The following BMPR2 variants were observed in gnomAD, a reference collection of about 807,000 sequenced individuals.
BMPR2 encodes bone morphogenetic protein receptor type-2.
BMPR2 carries 29 observed loss-of-function variants against 100.8 expected under a neutral mutation model. The ratio of observed to expected loss-of-function variants is 0.29; its 90% CI spans 0.21 to 0.39. BMPR2 has a LOEUF of 0.39. Ranked by LOEUF, BMPR2 falls within the 10% of genes least tolerant of loss-of-function variation. The pLI is 1.00. For synonymous variants in BMPR2, 382 were observed against 442.3 expected (o/e 0.86, Z 1.71); for missense variants, 1,011 against 1,274.5 (o/e 0.79, Z 3.15).
At chr2:202,390,702 A>G (rs919793869) in intron 1 of BMPR2, among the ~76,000 whole-genome samples, 1 of 152,138 alleles carries the variant, frequency 6.6e-6, no homozygotes, top group Non-Finnish European at 1.5e-5. Context: ...TTGCCAGAGC[A>G]AAATAAATGA....
At chr2:202,452,570 C>T (rs1293363282) in intron 1 of BMPR2, among the ~76,000 whole-genome samples, 1 of 152,112 alleles carries the variant, frequency 6.6e-6, no homozygotes, top group Non-Finnish European at 1.5e-5. Context: ...ATCACTTGAG[C>T]CCAGGAGTTC....
At chr2:202,500,693 C>T (rs765603966) in intron 3 of BMPR2, among the ~76,000 whole-genome samples, 1 of 152,182 alleles carries the variant, frequency 6.6e-6, no homozygotes, top group Admixed American at 6.6e-5. Flanking sequence ...AGTACAAAAA[C>T]CAAACGGTCA....
At chr2:202,408,892 A>G (rs1277739766) in intron 1 of BMPR2, among the ~76,000 whole-genome samples, 2 of 152,160 alleles carry the variant, frequency 1.3e-5, no homozygotes, top group African/African-American at 4.8e-5. Context: ...TTTGTGGTAT[A>G]TTATTGTATT....
At chr2:202,486,204 C>T (rs576943477) in intron 3 of BMPR2, among the ~76,000 whole-genome samples, 1 of 152,268 alleles carries the variant, frequency 6.6e-6, no homozygotes, top group East Asian at 1.9e-4. Context: ...CTTACTTCTC[C>T]ATGCTAATGG....
chr2:202,402,116 G>C lies in BMPR2; in HGVS notation c.76+24566G>C, dbSNP rs573382178. On this transcript the variant is annotated intron_variant, in intron 1 of 12. Coordinates refer to ENST00000374580, the MANE Select transcript of BMPR2 (RefSeq NM_001204.7). ...CCCAGACTTCCCTGCCATCCAAGAGGAGCAGTTGGGGAAGGGAATGAGGTG... is the reference window on the plus strand; with the variant it reads ...CCCAGACTTCCCTGCCATCCAAGAGCAGCAGTTGGGGAAGGGAATGAGGTG... Among the ~76,000 whole-genome samples, 5 of 152,224 alleles carry C rather than the reference G, an allele frequency of 3.3e-5. No homozygotes were observed. The East Asian group carries it at 9.6e-4, about 29-fold the overall frequency.
intron 1 of BMPR2, among the ~76,000 whole-genome samples, chr2:202,397,524 G>A (rs1296205573): frequency 1.3e-5 from 2 of 150,138 alleles, no homozygotes; most frequent in African/African-American, 4.9e-5. Context: ...TTTGAGTCAG[G>A]GTCTCTCTCT....
chr2:202,559,595 C>T (rs984347242), intron 12 of BMPR2, 101 bp from the exon 13 acceptor site: 2 of 1,264,626 alleles, frequency 1.6e-6, no homozygotes, highest in Non-Finnish European at 2.3e-6. Flanking sequence ...TTCATTAGCA[C>T]CCTCCTGAGA....
At chr2:202,487,848 A>G (rs1420636574) in intron 3 of BMPR2, among the ~76,000 whole-genome samples, 2 of 152,230 alleles carry the variant, frequency 1.3e-5, no homozygotes, top group African/African-American at 4.8e-5. Context: ...TTTTTTTACT[A>G]TAGGGGTGCA....
chr2:202,558,886 C>G (rs978128545), intron 12 of BMPR2, among the ~76,000 whole-genome samples: 3 of 138,506 alleles, frequency 2.2e-5, no homozygotes, highest in African/African-American at 7.9e-5. Context: ...GAATGAAACT[C>G]CATCTCAAAA....
chr2:202,434,894 A>T (rs1691576294), intron 1 of BMPR2, among the ~76,000 whole-genome samples: 2 of 64,382 alleles, frequency 3.1e-5, no homozygotes, highest in Admixed American at 2.4e-4. Flanking sequence ...AAAAAAAAAA[A>T]AAAAAAAAAA....
Position 202,565,016 on chromosome 2 carries a change from T to A in BMPR2, c.*5070T>A, listed in dbSNP as rs995684075. 2 of 152,026 alleles carry A rather than the reference T, an allele frequency of 1.3e-5. No individual in the cohort carries two copies. Among genetic ancestry groups the A allele is most frequent in the Non-Finnish European group, 2.9e-5 (2 of 68,088 alleles). The allele number at this position is 152,026 out of a possible 1,614,324, so 9.4% of individuals were successfully genotyped here. On this transcript the variant is annotated 3_prime_UTR_variant, in exon 13 of 13. Transcript: ENST00000374580. ...GTGAGCCGAGATCGCGCCAATGCAC[T>A]CCAGCCTGGGCTACAGAGTGAGACT...
chr2:202,406,707 A>G (rs923414566), intron 1 of BMPR2, among the ~76,000 whole-genome samples: 2 of 152,190 alleles, frequency 1.3e-5, no homozygotes, highest in Non-Finnish European at 2.9e-5. Context: ...TTTTTGGATC[A>G]TGGTGTCATT....
intron 1 of BMPR2, among the ~76,000 whole-genome samples, chr2:202,462,464 C>G (rs1375700318): frequency 2.0e-5 from 3 of 152,100 alleles, no homozygotes; most frequent in African/African-American, 7.2e-5. Context: ...CGTGATCTGC[C>G]AGCCTCTGCC....
chr2:202,513,601 CA>C, intron 3 of BMPR2, 117 bp from the exon 4 acceptor site: 1 of 672,418 alleles, frequency 1.5e-6, no homozygotes. Flanking sequence ...TCCTTTGATG[CA>C]AAAACATTAC....
At chr2:202,410,879 T>C (rs2105916905) in intron 1 of BMPR2, among the ~76,000 whole-genome samples, 1 of 152,310 alleles carries the variant, frequency 6.6e-6, no homozygotes, top group Non-Finnish European at 1.5e-5. Flanking sequence ...GCGCCCAGTC[T>C]TTTTATTTTT....
chr2:202,566,926 A>G lies in BMPR2; in HGVS notation c.*6980A>G, dbSNP rs1688772754. 6.6e-6 allele frequency: 1 copy of G among 152,242 alleles called. No individual in the cohort carries two copies. Among genetic ancestry groups the G allele is most frequent in the African/African-American group, 2.4e-5 (1 of 41,462 alleles). The allele number at this position is 152,242 out of a possible 1,614,324, so 9.4% of individuals were successfully genotyped here. A position where few individuals can be genotyped will look rare whatever the true frequency, so the allele number is the denominator to read the frequency against. ...GTATGTAAAGGAAACATATTTTTAA[A>G]GAAGCTTAACAGTAAGAAAAAATTA... On this transcript the variant is annotated 3_prime_UTR_variant, in exon 13 of 13. Coordinates refer to ENST00000374580, the MANE Select transcript of BMPR2 (RefSeq NM_001204.7).
At chr2:202,417,759 C>T (rs1691166072) in intron 1 of BMPR2, among the ~76,000 whole-genome samples, 2 of 151,304 alleles carry the variant, frequency 1.3e-5, no homozygotes, top group South Asian at 4.2e-4. Flanking sequence ...CACTCTGTCA[C>T]CCAGGCTGGA....
chr2:202,477,761 TG>T (rs1385832394), intron 3 of BMPR2, among the ~76,000 whole-genome samples: 1 of 152,132 alleles, frequency 6.6e-6, no homozygotes, highest in Non-Finnish European at 1.5e-5. Context: ...CACTCCAGCC[TG>T]GGCGACAGAG....
intron 1 of BMPR2, among the ~76,000 whole-genome samples, chr2:202,424,881 G>T (rs1691354121): frequency 6.6e-6 from 1 of 152,100 alleles, no homozygotes; most frequent in African/African-American, 2.4e-5. Context: ...GAGAGCAAGA[G>T]ATAGATATGT....
Sources: allele counts gnomAD v4.1 joint callset (sites outside exome capture counted in the v4.1 genomes callset), GRCh38; gene constraint gnomAD v4.1.1; transcripts MANE v1.5; gene names NCBI Gene and HGNC (gene_info 2026-07-23, HGNC 2026-07-21).